Variants in TANGO6 observed in about 807,000 individuals in gnomAD.
TANGO6 encodes transport and golgi organization 6 homolog, also known as transport and Golgi organization protein 6 homolog.
A neutral mutation model predicts 114.2 loss-of-function variants in TANGO6; 90 were observed. The observed-to-expected ratio is 0.79, with a 90% CI of 0.66 to 0.94. TANGO6 has a LOEUF of 0.94. Among genes scored for constraint, TANGO6 ranks in the 40% least tolerant of loss-of-function variants. The pLI, the probability that TANGO6 is intolerant of heterozygous loss-of-function variation, is 0.00. For synonymous variants in TANGO6, 477 were observed against 509.8 expected, an observed-to-expected ratio of 0.94 and a Z score of 0.87; for missense variants, 1,274 against 1,315.3, an observed-to-expected ratio of 0.97 and a Z score of 0.49.
chr16:68,956,809 C>T (rs966262994), intron 14 of TANGO6, among the ~76,000 whole-genome samples: 3 of 151,908 alleles, frequency 2.0e-5, no homozygotes, highest in African/African-American at 4.8e-5. Flanking sequence ...GCCGAGATTG[C>T]GCCACTGCAC....
intron 15 of TANGO6, among the ~76,000 whole-genome samples, chr16:68,992,667 G>A (rs1004055285): frequency 3.3e-5 from 5 of 152,152 alleles, no homozygotes; most frequent in Non-Finnish European, 5.9e-5. Flanking sequence ...TGTGACAGCC[G>A]TTCCTTGTTT....
chr16:69,024,351 C>T (rs1322133739), intron 16 of TANGO6, among the ~76,000 whole-genome samples: 1 of 151,930 alleles, frequency 6.6e-6, no homozygotes, highest in African/African-American at 2.4e-5. Flanking sequence ...ACTGCAACCT[C>T]CGCCTCCCGG....
intron 14 of TANGO6, among the ~76,000 whole-genome samples, chr16:68,965,512 TA>T (rs1234986291): frequency 6.6e-6 from 1 of 152,148 alleles, no homozygotes; most frequent in East Asian, 1.9e-4. Flanking sequence ...TCTTCTATTT[TA>T]AAAACCTGCC....
At chr16:68,946,027 G>T (rs1963410913) in intron 14 of TANGO6, among the ~76,000 whole-genome samples, 1 of 151,662 alleles carries the variant, frequency 6.6e-6, no homozygotes. Context: ...CTATCATTGA[G>T]TTATAACAGT....
chr16:68,871,318 C>T (rs1962264225), intron 4 of TANGO6, among the ~76,000 whole-genome samples: 1 of 151,960 alleles, frequency 6.6e-6, no homozygotes, highest in African/African-American at 2.4e-5. Context: ...CCTCTGACTG[C>T]TTTTAAGATT....
chr16:69,006,058 C>T (rs923442823), intron 15 of TANGO6, among the ~76,000 whole-genome samples: 12 of 152,148 alleles, frequency 7.9e-5, no homozygotes, highest in Non-Finnish European at 1.2e-4. Flanking sequence ...TTGTCACCAT[C>T]GTTTACTGAC....
intron 14 of TANGO6, among the ~76,000 whole-genome samples, chr16:68,940,080 TTC>T (rs34677565): frequency 2.7e-5 from 4 of 150,722 alleles, no homozygotes; most frequent in Non-Finnish European, 4.4e-5. Context: ...CTTCTTTCCT[TTC>T]TCTCTCTCTC....
At chr16:68,894,575 A>G (rs953625919) in intron 7 of TANGO6, among the ~76,000 whole-genome samples, 2 of 152,082 alleles carry the variant, frequency 1.3e-5, no homozygotes, top group African/African-American at 4.8e-5. Flanking sequence ...AAAGCCTGAC[A>G]TGCTGGCATA....
Position 68,902,445 on chromosome 16 carries a change from GT to G in TANGO6, c.1609del (p.Cys537ValfsTer12). The G allele has an allele frequency of 1.2e-6, 2 of 1,613,666 alleles. No homozygotes were observed. Among genetic ancestry groups the G allele is most frequent in the Non-Finnish European group, 1.7e-6 (2 of 1,179,746 alleles). ...AAGCTGTGCCCTCTCTCCATTCTCT[GT>G]GTCAGTTTAGAGTTGCCACTCAAGG... ...DKAVPSLHSL[C>X]QFRVATQGGI... On this transcript the variant is annotated frameshift_variant, in exon 9 of 18. Transcript: ENST00000261778. LOFTEE classifies it high-confidence loss of function.
intron 6 of TANGO6, 45 bp from the exon 7 acceptor site, chr16:68,880,503 C>T: frequency 7.0e-7 from 1 of 1,428,870 alleles, no homozygotes; most frequent in Non-Finnish European, 9.8e-7. Context: ...ATGTCCTATT[C>T]AGTGAGGCAC....
chr16:68,872,815 G>C (rs1962297310), intron 4 of TANGO6, among the ~76,000 whole-genome samples: 2 of 151,706 alleles, frequency 1.3e-5, no homozygotes, highest in Non-Finnish European at 2.9e-5. Flanking sequence ...TCTTGCCTCA[G>C]CTTCCCGAGT....
At chr16:68,856,250 C>T (rs975619159) in intron 1 of TANGO6, among the ~76,000 whole-genome samples, 1 of 152,146 alleles carries the variant, frequency 6.6e-6, no homozygotes, top group African/African-American at 2.4e-5. Flanking sequence ...CCGTGGATAC[C>T]CTTTATCAGA....
intron 9 of TANGO6, among the ~76,000 whole-genome samples, 186 bp downstream of exon 9, chr16:68,902,690 A>G (rs1306280218): frequency 6.6e-6 from 1 of 152,174 alleles, no homozygotes; most frequent in African/African-American, 2.4e-5. Flanking sequence ...TTTTCCTAAG[A>G]TGCCTGCTAA....
At chr16:68,947,911 CTGAAGAATTGACTTG>C in intron 14 of TANGO6, among the ~76,000 whole-genome samples, 2 of 152,126 alleles carry the variant, frequency 1.3e-5, no homozygotes, top group East Asian at 3.9e-4. Context: ...TCTTTTATAA[CTGAAGAATTGACTTG>C]CCTACAGTCA....
intron 17 of TANGO6, among the ~76,000 whole-genome samples, chr16:69,054,105 G>T (rs868786114): frequency 6.6e-6 from 1 of 152,174 alleles, no homozygotes; most frequent in East Asian, 1.9e-4. Context: ...ATAGAGGATA[G>T]AAGCCTGGCT....
intron 14 of TANGO6, among the ~76,000 whole-genome samples, chr16:68,960,739 T>A (rs1597037624): frequency 6.6e-6 from 1 of 152,120 alleles, no homozygotes; most frequent in Non-Finnish European, 1.5e-5. Flanking sequence ...CTTCAAGTGA[T>A]CCACCCACCT....
At chr16:69,029,839 G>C (rs1048698895) in intron 16 of TANGO6, among the ~76,000 whole-genome samples, 6 of 152,132 alleles carry the variant, frequency 3.9e-5, no homozygotes, top group Non-Finnish European at 8.8e-5. Context: ...CGGGTGTGGT[G>C]GCTCACACCT....
At chr16:68,854,727 A>G (rs2152153573) in intron 1 of TANGO6, among the ~76,000 whole-genome samples, 1 of 152,090 alleles carries the variant, frequency 6.6e-6, no homozygotes, top group Admixed American at 6.5e-5. Flanking sequence ...TGAAGATCAA[A>G]TAGCCATATA....
In TANGO6 at chr16:68,937,389, T is replaced by C. The variant is rs1357096754; in HGVS notation, c.2701+7094T>C. The C allele has an allele frequency of 2.6e-5, 4 of 152,232 alleles. No homozygotes were observed. The East Asian group carries it at 7.7e-4, about 29-fold the overall frequency. 9.4% of individuals were successfully genotyped at this position (152,232 alleles called of 1,614,324 possible). On this transcript the variant is annotated intron_variant, in intron 14 of 17. Coordinates refer to ENST00000261778, the MANE Select transcript of TANGO6 (RefSeq NM_024562.2). ...TAGACATTATCTCCATTTTTAAAACTTCTTATTTGAGATGTAATTTACATA... is the reference window on the plus strand; with the variant it reads ...TAGACATTATCTCCATTTTTAAAACCTCTTATTTGAGATGTAATTTACATA...
Sources: allele counts gnomAD v4.1 joint callset (sites outside exome capture counted in the v4.1 genomes callset), GRCh38; gene constraint gnomAD v4.1.1; transcripts MANE v1.5; gene names NCBI Gene and HGNC (gene_info 2026-07-23, HGNC 2026-07-21).